SENP7: variants seen among roughly 807,000 people sequenced by gnomAD.
The protein encoded by SENP7 is sentrin-specific protease 7.
A neutral mutation model predicts 141.2 loss-of-function variants in SENP7; 64 were observed. That is an observed-to-expected ratio of 0.45 (90% confidence interval 0.37 to 0.56). SENP7 has a LOEUF of 0.56. Among genes scored for constraint, SENP7 ranks in the 20% least tolerant of loss-of-function variants. The probability of loss-of-function intolerance (pLI) is 0.00; values close to 1 mark genes in which losing one functional copy is unlikely to be tolerated. For missense variants in SENP7, 1,025 were observed against 1,212.2 expected, an observed-to-expected ratio of 0.85 and a Z score of 2.29; for synonymous variants, 382 against 426.4, an observed-to-expected ratio of 0.90 and a Z score of 1.28.
chr3:101,365,462 C>T (rs1332743202), intron 9 of SENP7, among the ~76,000 whole-genome samples: 1 of 150,686 alleles, frequency 6.6e-6, no homozygotes, highest in Non-Finnish European at 1.5e-5. Flanking sequence ...ATGGTGAAAC[C>T]CTGTCTCTAG....
In SENP7 at chr3:101,461,589, G is replaced by A. The variant is rs1189302082; in HGVS notation, c.187-2537C>T. 1.2e-4 allele frequency among the ~76,000 whole-genome samples: 18 copies of A among 150,472 alleles called. 1 individual carries two copies. Among genetic ancestry groups the A allele is most frequent in the African/African-American group, 2.7e-4 (11 of 40,762 alleles). ...TGGGAATGTAAATGGTACAGGTACC[G>A]TAAGAAAAAAAAAAACAGTATTGCA... On this transcript the variant is annotated intron_variant, in intron 3 of 23. Transcript: ENST00000394095.
chr3:101,373,911 C>T (rs992698435), intron 6 of SENP7, among the ~76,000 whole-genome samples: 1 of 152,140 alleles, frequency 6.6e-6, no homozygotes, highest in African/African-American at 2.4e-5. Flanking sequence ...AATGAATGGA[C>T]TGGAAACACC....
In SENP7 at chr3:101,340,508, A is replaced by G. The variant is rs546946257; in HGVS notation, c.2241-297T>C. 33 of 238,890 alleles carry G rather than the reference A, an allele frequency of 1.4e-4. 1 individual carries two copies. In the South Asian group the frequency reaches 3.0e-3, roughly 22 times the overall value. 14.8% of individuals were successfully genotyped at this position (238,890 alleles called of 1,614,324 possible). On this transcript the variant is annotated intron_variant, in intron 15 of 23. Coordinates refer to ENST00000394095, the MANE Select transcript of SENP7 (RefSeq NM_020654.5). ...TAGGTTTTATCTCACAATCAGTTAT[A>G]CCATTGAAGATGTTGCTCTTCTTCA...
chr3:101,370,592 G>A (rs1559730818), intron 7 of SENP7, among the ~76,000 whole-genome samples: 1 of 151,924 alleles, frequency 6.6e-6, no homozygotes, highest in African/African-American at 2.4e-5. Flanking sequence ...TTTTATGATT[G>A]TATTATTTTT....
Position 101,325,872 on chromosome 3 carries a change from C to A in SENP7, c.*71G>T. ...AGTTATTTTCTTCTCTGTGAGCTGG[C>A]TAACACAAATGCTGGTAAGAGGCTT... On this transcript the variant is annotated 3_prime_UTR_variant, in exon 24 of 24. Coordinates refer to ENST00000394095, the MANE Select transcript of SENP7 (RefSeq NM_020654.5). 7.1e-7 allele frequency: 1 copy of A among 1,409,998 alleles called. No homozygotes were observed. Among genetic ancestry groups the A allele is most frequent in the Admixed American group, 2.5e-5 (1 of 39,984 alleles). 87.3% of individuals were successfully genotyped at this position (1,409,998 alleles called of 1,614,324 possible).
At chr3:101,444,689 CAAT>C (rs2062817884) in intron 4 of SENP7, among the ~76,000 whole-genome samples, 1 of 135,982 alleles carries the variant, frequency 7.4e-6, no homozygotes, top group Non-Finnish European at 1.5e-5. Context: ...GGGAATTGAA[CAAT>C]GAGAACACAT....
chr3:101,454,481 A>G (rs1282148844), intron 4 of SENP7, among the ~76,000 whole-genome samples: 1 of 152,196 alleles, frequency 6.6e-6, no homozygotes, highest in Non-Finnish European at 1.5e-5. Flanking sequence ...ACTACACTCC[A>G]GCCTGGGCAA....
At position 101,444,977 on chromosome 3, in the gene SENP7, G is replaced by A. The variant is rs1027856892; in HGVS notation, c.284+13978C>T. Among the ~76,000 whole-genome samples the A allele has an allele frequency of 1.2e-4, 18 of 152,098 alleles. No homozygotes were observed. In the Middle Eastern group the frequency reaches 0.017, roughly 144 times the overall value. On this transcript the variant is annotated intron_variant, in intron 4 of 23. Transcript: ENST00000394095. ...TGAGAGACATACACATTAAGATACAGTAAACTCAAATTTTACCAAATAGAT... is the reference window on the plus strand; with the variant it reads ...TGAGAGACATACACATTAAGATACAATAAACTCAAATTTTACCAAATAGAT...
intron 6 of SENP7, among the ~76,000 whole-genome samples, chr3:101,392,259 GA>G (rs1264720527): frequency 1.3e-5 from 2 of 152,072 alleles, no homozygotes; most frequent in Non-Finnish European, 2.9e-5. Flanking sequence ...ATCCAAATTA[GA>G]AAAGAGATAG....
At chr3:101,480,518 A>T (rs2064425433) in intron 3 of SENP7, among the ~76,000 whole-genome samples, 1 of 152,172 alleles carries the variant, frequency 6.6e-6, no homozygotes, top group Non-Finnish European at 1.5e-5. Flanking sequence ...ACAAAAATCA[A>T]CTTAAGATGG....
intron 7 of SENP7, among the ~76,000 whole-genome samples, chr3:101,371,219 G>A (rs976750102): frequency 6.6e-6 from 1 of 152,026 alleles, no homozygotes; most frequent in Non-Finnish European, 1.5e-5. Context: ...AGCCCAGGAG[G>A]TAGATAGAGG....
intron 11 of SENP7, 86 bp from the exon 12 acceptor site, chr3:101,351,737 T>C (rs1287235390): frequency 2.1e-5 from 22 of 1,024,200 alleles, no homozygotes; most frequent in Non-Finnish European, 2.7e-5. Context: ...CACAAGTACA[T>C]ATTCAAAGTC....
chr3:101,347,721 C>CAAAA lies in SENP7; in HGVS notation c.1837+147_1837+150dup, dbSNP rs11389959. 2.3e-3 allele frequency: 634 copies of CAAAA among 275,064 alleles called. 8 individuals carry two copies. The highest frequency in any genetic ancestry group is 0.021 in the African/African-American group (590 of 28,730). The allele number at this position is 275,064 out of a possible 1,614,324, so 17.0% of individuals were successfully genotyped here. A position where few individuals can be genotyped will look rare whatever the true frequency, so the allele number is the denominator to read the frequency against. ...TGGGTGACAAAGCGAGACTCCATCT[C>CAAAA]AAAAAAAAAAAAAAAAAGAAACAAA... is the stretch of plus-strand genomic sequence containing the variant. On this transcript the variant is annotated intron_variant, in intron 13 of 23. Transcript: ENST00000394095.
chr3:101,470,229 A>G (rs1468232453), intron 3 of SENP7, among the ~76,000 whole-genome samples: 5 of 152,208 alleles, frequency 3.3e-5, no homozygotes, highest in Non-Finnish European at 5.9e-5. Context: ...CTAAGATCAG[A>G]GCAGAACTGA....
intron 2 of SENP7, among the ~76,000 whole-genome samples, chr3:101,496,671 G>T (rs532069487): frequency 6.7e-6 from 1 of 148,568 alleles, no homozygotes. Flanking sequence ...CTCCGCCCCC[G>T]AGTTCAAACA....
intron 3 of SENP7, among the ~76,000 whole-genome samples, chr3:101,472,443 C>A (rs957818991): frequency 1.3e-5 from 2 of 152,064 alleles, no homozygotes; most frequent in African/African-American, 2.4e-5. Context: ...TAGGTGGGAA[C>A]TGAACAATGA....
intron 12 of SENP7, among the ~76,000 whole-genome samples, chr3:101,349,218 T>C (rs550473015): frequency 6.6e-6 from 1 of 152,304 alleles, no homozygotes; most frequent in South Asian, 2.1e-4. Flanking sequence ...AACTCTTCCA[T>C]TCTGAAAACT....
At chr3:101,378,475 T>G (rs2060401458) in intron 6 of SENP7, among the ~76,000 whole-genome samples, 1 of 151,640 alleles carries the variant, frequency 6.6e-6, no homozygotes, top group Non-Finnish European at 1.5e-5. Context: ...TGAACTTGAG[T>G]ATATAGAAAT....
intron 6 of SENP7, among the ~76,000 whole-genome samples, chr3:101,376,648 C>A (rs373809236): frequency 3.7e-4 from 54 of 146,532 alleles, no homozygotes; most frequent in African/African-American, 1.3e-3. Flanking sequence ...GTGGGGGGAG[C>A]GGGGAGGGAT....
Sources: gnomAD v4.1 joint callset for allele counts (sites outside exome capture counted in the v4.1 genomes callset) on GRCh38, gnomAD v4.1.1 for gene constraint, MANE v1.5 for transcripts, NCBI Gene and HGNC (gene_info 2026-07-23, HGNC 2026-07-21) for gene names.